Variants in PDE1C observed in about 807,000 individuals in gnomAD.
PDE1C encodes the protein dual specificity calcium/calmodulin-dependent 3',5'-cyclic nucleotide phosphodiesterase 1C.
Under a neutral mutation model 93.1 loss-of-function variants are expected in PDE1C, and 62 were observed. The observed-to-expected ratio is 0.67, with a 90% CI of 0.54 to 0.82. The LOEUF (loss-of-function observed/expected upper bound fraction) is 0.82, where lower values mean the gene tolerates loss of function less well. PDE1C is among the 40% of genes least tolerant of loss of function. The pLI is 0.00. For synonymous variants in PDE1C, 325 were observed against 310.1 expected (o/e 1.05, Z -0.50); for missense variants, 742 against 884.6 (o/e 0.84, Z 2.04).
chr7:32,400,268 A>G (rs1784917689), intron 1 of PDE1C, among the ~76,000 whole-genome samples: 1 of 152,228 alleles, frequency 6.6e-6, no homozygotes, highest in African/African-American at 2.4e-5. Context: ...TTTTAATAGC[A>G]TGAATGGACA....
intron 2 of PDE1C, among the ~76,000 whole-genome samples, chr7:32,183,695 G>T (rs771426409): frequency 2.0e-5 from 3 of 152,048 alleles, no homozygotes; most frequent in Non-Finnish European, 4.4e-5. Flanking sequence ...AACCATAAAA[G>T]CCCTAGAAGA....
intron 1 of PDE1C, among the ~76,000 whole-genome samples, chr7:32,376,146 G>A (rs1042250977): frequency 1.3e-5 from 2 of 151,542 alleles, no homozygotes; most frequent in African/African-American, 2.4e-5. Context: ...GGGTGACAGC[G>A]AGACTCTGTC....
At chr7:32,215,430 G>A (rs1013948165) in intron 1 of PDE1C, among the ~76,000 whole-genome samples, 2 of 152,146 alleles carry the variant, frequency 1.3e-5, no homozygotes, top group Non-Finnish European at 2.9e-5. Context: ...AGCCACTTGG[G>A]TACACTAATG....
At chr7:31,999,420 A>G (rs1026647006) in intron 2 of PDE1C, among the ~76,000 whole-genome samples, 4 of 152,198 alleles carry the variant, frequency 2.6e-5, no homozygotes, top group Non-Finnish European at 4.4e-5. Context: ...CACCTATCCC[A>G]GGGTCCCACA....
intron 2 of PDE1C, among the ~76,000 whole-genome samples, chr7:31,998,438 C>T (rs577651118): frequency 3.4e-4 from 52 of 152,280 alleles, no homozygotes; most frequent in South Asian, 1.5e-3. Flanking sequence ...TGGTAGGCCT[C>T]TGTGCATTTA....
chr7:32,317,993 C>A (rs1435153681), intron 1 of PDE1C, among the ~76,000 whole-genome samples: 1 of 152,146 alleles, frequency 6.6e-6, no homozygotes, highest in African/African-American at 2.4e-5. Context: ...GAGACAGGGT[C>A]AGAGAGGGGA....
the PDE1C span, chr7:31,651,250 G>C: frequency 9.3e-6 from 15 of 1,613,220 alleles, no homozygotes; most frequent in Non-Finnish European, 1.3e-5. Context: ...CTTTTCCAGG[G>C]ACATGTCAGA....
intron 3 of PDE1C, among the ~76,000 whole-genome samples, chr7:32,120,710 C>T (rs139270981): frequency 1.3e-5 from 2 of 152,204 alleles, no homozygotes; most frequent in East Asian, 1.9e-4. Flanking sequence ...CCCCAAAAAA[C>T]CCCATCCAAG....
chr7:31,790,241 CT>C (rs752804544), intron 16 of PDE1C: 12 of 1,612,534 alleles, frequency 7.4e-6, no homozygotes, highest in Non-Finnish European at 1.0e-5. Context: ...TCTATGAGGT[CT>C]TTTTTACTCT....
chr7:32,033,691 C>T (rs756075069), intron 2 of PDE1C, among the ~76,000 whole-genome samples: 2 of 151,946 alleles, frequency 1.3e-5, no homozygotes, highest in Non-Finnish European at 2.9e-5. Flanking sequence ...TTGACTTGAC[C>T]CACAGACCCA....
In PDE1C at chr7:31,784,598, G is replaced by A. The variant is rs566511583; in HGVS notation, c.1892-8866C>T. ...AGAAGCAAAAGAAGGAATTTGTGAA[G>A]GGTAGAAAAATGGGAGGAAAAAAAA... On this transcript the variant is annotated intron_variant, in intron 16 of 17. Coordinates refer to ENST00000396191, the MANE Select transcript of PDE1C (RefSeq NM_001191057.4). 122 of 152,028 alleles carry A rather than the reference G, an allele frequency of 8.0e-4. 1 individual carries two copies. Among genetic ancestry groups the A allele is most frequent in the African/African-American group, 2.7e-3 (110 of 41,460 alleles). The allele number at this position is 152,028 out of a possible 1,614,324, so 9.4% of individuals were successfully genotyped here.
At chr7:32,112,846 G>GTATATATATA (rs1203879712) in intron 3 of PDE1C, among the ~76,000 whole-genome samples, 1 of 59,160 alleles carries the variant, frequency 1.7e-5, no homozygotes. Flanking sequence ...GTGTGTGTGT[G>GTATATATATA]TATATATATA....
chr7:32,028,607 C>T (rs182522774), intron 2 of PDE1C, among the ~76,000 whole-genome samples: 43 of 152,004 alleles, frequency 2.8e-4, no homozygotes, highest in Middle Eastern at 3.4e-3. Context: ...TTATGGGGTA[C>T]AAAGTGATGT....
At chr7:31,945,599 T>C (rs1426307164) in intron 2 of PDE1C, among the ~76,000 whole-genome samples, 1 of 152,190 alleles carries the variant, frequency 6.6e-6, no homozygotes, top group African/African-American at 2.4e-5. Context: ...GTAATTCTTA[T>C]CCATGTTCCT....
the PDE1C span, among the ~76,000 whole-genome samples, chr7:31,679,255 T>C: frequency 1.3e-5 from 2 of 152,172 alleles, no homozygotes; most frequent in Non-Finnish European, 2.9e-5. Flanking sequence ...AGAAACTGGG[T>C]AGCTGACCTT....
intron 6 of PDE1C, among the ~76,000 whole-genome samples, chr7:31,869,498 AAG>A (rs1795675968): frequency 6.6e-6 from 1 of 152,120 alleles, no homozygotes; most frequent in African/African-American, 2.4e-5. Flanking sequence ...AACAGACTTT[AAG>A]TCAAAAATGG....
chr7:32,113,242 T>C (rs1204167877), intron 3 of PDE1C, among the ~76,000 whole-genome samples: 1 of 134,298 alleles, frequency 7.4e-6, no homozygotes, highest in African/African-American at 2.9e-5. Flanking sequence ...CTTAAATATA[T>C]ATATATATAT....
intron 1 of PDE1C, among the ~76,000 whole-genome samples, chr7:32,218,835 C>CA (rs981573995): frequency 6.6e-6 from 1 of 152,190 alleles, no homozygotes; most frequent in African/African-American, 2.4e-5. Flanking sequence ...GTTGACTCTA[C>CA]AGGGCCCTCC....
intron 2 of PDE1C, among the ~76,000 whole-genome samples, chr7:32,017,577 G>C (rs1417036310): frequency 6.6e-6 from 1 of 152,060 alleles, no homozygotes; most frequent in Non-Finnish European, 1.5e-5. Flanking sequence ...CACAGAATGG[G>C]AGATAACATT....
Sources: allele counts gnomAD v4.1 joint callset (sites outside exome capture counted in the v4.1 genomes callset), GRCh38; gene constraint gnomAD v4.1.1; transcripts MANE v1.5; gene names NCBI Gene and HGNC (gene_info 2026-07-23, HGNC 2026-07-21).